The following APBB1IP variants were observed in gnomAD, a reference collection of about 807,000 sequenced individuals.
APBB1IP encodes amyloid beta precursor protein binding family B member 1 interacting protein.
A neutral mutation model predicts 64.9 loss-of-function variants in APBB1IP; 27 were observed. That is an observed-to-expected ratio of 0.42 (90% CI 0.31 to 0.57). APBB1IP has a LOEUF of 0.57. APBB1IP is among the 20% of genes least tolerant of loss of function. APBB1IP has a pLI of 0.20. For missense variants in APBB1IP, 812 were observed against 845.5 expected (o/e 0.96, Z 0.49); for synonymous variants, 392 against 331.0 (o/e 1.18, Z -2.00).
Position 26,500,949 on chromosome 10 carries a change from A to C in APBB1IP, c.291A>C (p.Ala97=). ...KESLQNQHHS[A]SLQASIFSGA... ...CCTTGCAGAATCAACATCATTCAGC[A>C]TCTCTACAAGCATCAATTTTCAGTG... The change falls in exon 5 of 15, where the codon GCA becomes GCC. Residue 97 remains alanine, a synonymous_variant. Coordinates refer to ENST00000376236, the MANE Select transcript of APBB1IP (RefSeq NM_019043.4). 6.2e-7 allele frequency: 1 copy of C among 1,614,208 alleles called. No homozygotes were observed. The highest frequency in any genetic ancestry group is 8.5e-7 in the Non-Finnish European group (1 of 1,180,042).
intron 11 of APBB1IP, among the ~76,000 whole-genome samples, chr10:26,546,665 G>A (rs770831744): frequency 1.6e-4 from 25 of 152,094 alleles, no homozygotes; most frequent in Non-Finnish European, 3.2e-4. Context: ...TCATTGACAA[G>A]CCTCTCTCCC....
At chr10:26,543,140 G>A (rs1021191462) in intron 11 of APBB1IP, among the ~76,000 whole-genome samples, 9 of 151,434 alleles carry the variant, frequency 5.9e-5, no homozygotes, top group African/African-American at 1.5e-4. Flanking sequence ...GGCTGGATCC[G>A]TTCACTCACT....
Position 26,536,145 on chromosome 10 carries a change from G to T in APBB1IP, c.972G>T (p.Lys324Asn), listed in dbSNP as rs774551232. 5 of 1,595,372 alleles carry T rather than the reference G, an allele frequency of 3.1e-6. No homozygotes were observed. Among genetic ancestry groups the T allele is most frequent in the Non-Finnish European group, 8.5e-7 (1 of 1,171,816 alleles). Residue 324 changes from lysine (K) to asparagine (N), a missense_variant, in exon 10 of 15, where the codon AAG becomes AAT. Around this residue, in one of 3 missense-constraint regions of APBB1IP, gnomAD observed 394 missense variants for 413.1 expected, o/e 0.95. Transcript: ENST00000376236. ...CTCTTTATTTGAAAGAAGATGGAAA[G>T]AAATCCTGGAAAAGGCGCTATTTTC... is the stretch of plus-strand genomic sequence containing the variant. The part of the protein sequence containing the change: ...EGALYLKEDG[K>N]KSWKRRYFLL...
At chr10:26,561,374 C>A (rs980374677) in intron 13 of APBB1IP, among the ~76,000 whole-genome samples, 1 of 135,890 alleles carries the variant, frequency 7.4e-6, no homozygotes. Flanking sequence ...GGCCTGTTTT[C>A]TTTTTCTTCT....
At chr10:26,474,892 G>T (rs1835757872) in intron 2 of APBB1IP, among the ~76,000 whole-genome samples, 1 of 152,202 alleles carries the variant, frequency 6.6e-6, no homozygotes, top group African/African-American at 2.4e-5. Flanking sequence ...CCAAGCTAAA[G>T]GTAGGTCTCA....
chr10:26,567,132 C>T lies in APBB1IP; in HGVS notation c.1645C>T (p.Pro549Ser). 3 of 1,419,554 alleles carry T rather than the reference C, an allele frequency of 2.1e-6. No homozygotes were observed. Among genetic ancestry groups the T allele is most frequent in the Admixed American group, 6.4e-5 (2 of 31,212 alleles). The allele number at this position is 1,419,554 out of a possible 1,614,324, so 87.9% of individuals were successfully genotyped here. ...KGTGGGGLPA[P>S]PDDFLPPPPP... is the part of the protein sequence containing the mutation. ...CACAGGCGGCGGGGGCTTGCCCGCC[C>T]CACCCGACGACTTCCTGCCGCCGCC... The change falls in exon 15 of 15, where the codon CCA (proline) becomes TCA (serine). Residue 549 changes from proline (P) to serine (S), a missense_variant. Around this residue, in one of 3 missense-constraint regions of APBB1IP, gnomAD observed 381 missense variants for 352.1 expected, o/e 1.08. Coordinates refer to ENST00000376236, the MANE Select transcript of APBB1IP (RefSeq NM_019043.4).
At chr10:26,514,298 A>G (rs999758325) in intron 8 of APBB1IP, among the ~76,000 whole-genome samples, 2 of 151,906 alleles carry the variant, frequency 1.3e-5, no homozygotes, top group Admixed American at 6.6e-5. Flanking sequence ...TCATGCACTC[A>G]CTGTTGGTTC....
chr10:26,566,182 G>T (rs989612172), intron 14 of APBB1IP, among the ~76,000 whole-genome samples: 1 of 152,184 alleles, frequency 6.6e-6, no homozygotes, highest in African/African-American at 2.4e-5. Flanking sequence ...TACTCAGGAG[G>T]CTGAGGCAGG....
intron 2 of APBB1IP, among the ~76,000 whole-genome samples, chr10:26,482,452 T>G (rs1286842571): frequency 6.6e-6 from 1 of 152,144 alleles, no homozygotes; most frequent in Non-Finnish European, 1.5e-5. Context: ...ACTGAAGGAA[T>G]CAGGTAAAAT....
chr10:26,554,196 C>A (rs970613694), intron 11 of APBB1IP, among the ~76,000 whole-genome samples: 2 of 152,206 alleles, frequency 1.3e-5, no homozygotes, highest in Non-Finnish European at 2.9e-5. Context: ...GGCACCATCA[C>A]CTACTCTATT....
chr10:26,462,186 C>G (rs1470932732), intron 2 of APBB1IP, among the ~76,000 whole-genome samples: 3 of 152,066 alleles, frequency 2.0e-5, no homozygotes, highest in African/African-American at 7.2e-5. Flanking sequence ...TGTCTTGTCC[C>G]TTATAAAAAA....
chr10:26,492,077 A>C (rs1487427616), intron 2 of APBB1IP, among the ~76,000 whole-genome samples: 1 of 152,148 alleles, frequency 6.6e-6, no homozygotes, highest in Non-Finnish European at 1.5e-5. Context: ...CAAGAAGACT[A>C]GTTTAGCCTG....
chr10:26,500,210 CAA>C (rs199918930), intron 4 of APBB1IP, among the ~76,000 whole-genome samples: 19 of 86,334 alleles, frequency 2.2e-4, no homozygotes, highest in Admixed American at 2.7e-4. Flanking sequence ...GACTCTGTCT[CAA>C]AAAAAAAAAA....
At chr10:26,474,079 AT>A (rs34053861) in intron 2 of APBB1IP, among the ~76,000 whole-genome samples, 26,447 of 150,268 alleles carry the variant, frequency 0.18, 2,465 homozygotes, top group African/African-American at 0.25. Flanking sequence ...GGTTTCAGTG[AT>A]TTTTTTTAAT....
intron 2 of APBB1IP, among the ~76,000 whole-genome samples, chr10:26,452,651 A>T (rs1189509946): frequency 6.6e-6 from 1 of 152,220 alleles, no homozygotes; most frequent in East Asian, 1.9e-4. Context: ...TAGTTGCTCC[A>T]TATTTATAGC....
At chr10:26,469,405 G>A (rs12258157) in intron 2 of APBB1IP, among the ~76,000 whole-genome samples, 10,297 of 151,114 alleles carry the variant, frequency 0.068, 1,134 homozygotes, top group African/African-American at 0.23. Context: ...GATGACAGGC[G>A]TGCACCACCA....
At chr10:26,487,895 T>A (rs1835911284) in intron 2 of APBB1IP, among the ~76,000 whole-genome samples, 1 of 152,204 alleles carries the variant, frequency 6.6e-6, no homozygotes, top group South Asian at 2.1e-4. Flanking sequence ...AAGCTTATTG[T>A]AATGCTAGTT....
At chr10:26,531,978 CT>C (rs777015489) in intron 8 of APBB1IP, among the ~76,000 whole-genome samples, 1 of 152,126 alleles carries the variant, frequency 6.6e-6, no homozygotes, top group African/African-American at 2.4e-5. Context: ...AAAACCCAAA[CT>C]TCAGTGTGCA....
chr10:26,474,664 G>T (rs888130755), intron 2 of APBB1IP, among the ~76,000 whole-genome samples: 6 of 152,170 alleles, frequency 3.9e-5, no homozygotes, highest in African/African-American at 1.4e-4. Context: ...AAAATAAATT[G>T]TCTTCCTTGC....
Sources: allele counts gnomAD v4.1 joint callset (sites outside exome capture counted in the v4.1 genomes callset), GRCh38; gene constraint gnomAD v4.1.1; regional missense constraint gnomAD v4.1.1; transcripts MANE v1.5; gene names NCBI Gene and HGNC (gene_info 2026-07-23, HGNC 2026-07-21).